The following ARHGAP15 variants were observed in gnomAD, a reference collection of about 807,000 sequenced individuals.
ARHGAP15 encodes Rho GTPase activating protein 15.
In ARHGAP15, 51 loss-of-function variants were observed where a neutral mutation model predicts 63.7. That is an observed-to-expected ratio of 0.80 (90% CI 0.64 to 1.01). ARHGAP15 has a LOEUF of 1.01. Ranked by LOEUF, ARHGAP15 falls within the 50% of genes least tolerant of loss-of-function variation. The pLI is 0.00. For missense variants in ARHGAP15, 560 were observed against 564.6 expected (o/e 0.99, Z 0.08); for synonymous variants, 191 against 193.8 (o/e 0.99, Z 0.12).
At chr2:143,130,930 ACTTT>A (rs1350051162) in intron 1 of ARHGAP15, among the ~76,000 whole-genome samples, 1 of 152,146 alleles carries the variant, frequency 6.6e-6, no homozygotes, top group African/African-American at 2.4e-5. Flanking sequence ...ATATGTTATT[ACTTT>A]CTTTCATTTT....
chr2:143,407,987 G>GTATATATATATATA (rs58194704), intron 6 of ARHGAP15, among the ~76,000 whole-genome samples: 6 of 77,458 alleles, frequency 7.7e-5, no homozygotes, highest in Non-Finnish European at 1.1e-4. Context: ...TTCTGTGTGT[G>GTATATATATATATA]TATATATATA....
At chr2:143,165,984 A>AGG (rs1690494797) in intron 2 of ARHGAP15, among the ~76,000 whole-genome samples, 1 of 137,546 alleles carries the variant, frequency 7.3e-6, no homozygotes, top group African/African-American at 2.8e-5. Flanking sequence ...GAAAGAAAGA[A>AGG]AGAAAGAAAG....
At chr2:143,766,836 A>C (rs1015018797) in intron 13 of ARHGAP15, 2 of 152,150 alleles carry the variant, frequency 1.3e-5, no homozygotes, top group Non-Finnish European at 2.9e-5. Context: ...GTTTCTGGAG[A>C]ATATCCCCCG....
chr2:143,214,031 A>G (rs1027243831), intron 3 of ARHGAP15, among the ~76,000 whole-genome samples: 3 of 152,220 alleles, frequency 2.0e-5, no homozygotes, highest in Non-Finnish European at 4.4e-5. Flanking sequence ...ATTTCTCCCT[A>G]TAAGAGTATT....
chr2:143,165,226 T>G (rs1055410184), intron 2 of ARHGAP15, among the ~76,000 whole-genome samples: 1 of 152,102 alleles, frequency 6.6e-6, no homozygotes, highest in Non-Finnish European at 1.5e-5. Flanking sequence ...ATGACCAAAG[T>G]ACTGATCTCT....
At chr2:143,667,763 G>A (rs1281519313) in intron 12 of ARHGAP15, among the ~76,000 whole-genome samples, 2 of 151,950 alleles carry the variant, frequency 1.3e-5, no homozygotes, top group South Asian at 2.1e-4. Flanking sequence ...GGAAGCCAAG[G>A]TGGATTGCTT....
At chr2:143,159,280 T>C (rs903773305) in intron 2 of ARHGAP15, among the ~76,000 whole-genome samples, 2 of 151,956 alleles carry the variant, frequency 1.3e-5, no homozygotes, top group African/African-American at 4.8e-5. Context: ...CAATTTTCTT[T>C]TGTTTCTTAC....
intron 6 of ARHGAP15, among the ~76,000 whole-genome samples, chr2:143,271,763 A>T (rs1681299181): frequency 6.6e-6 from 1 of 152,228 alleles, no homozygotes; most frequent in Non-Finnish European, 1.5e-5. Flanking sequence ...GGCATGAGCC[A>T]CCGTGCCCGG....
chr2:143,424,017 G>C (rs1199636943), intron 6 of ARHGAP15, among the ~76,000 whole-genome samples: 1 of 152,256 alleles, frequency 6.6e-6, no homozygotes, highest in East Asian at 1.9e-4. Context: ...AATCCATTCA[G>C]TGGCTTTTAA....
chr2:143,254,551 G>A (rs1360773225), intron 6 of ARHGAP15, among the ~76,000 whole-genome samples: 1 of 151,990 alleles, frequency 6.6e-6, no homozygotes, highest in African/African-American at 2.4e-5. Context: ...TTCGTGACAT[G>A]GCTATCAAAT....
chr2:143,750,983 A>G (rs1226327182), intron 13 of ARHGAP15, among the ~76,000 whole-genome samples: 1 of 152,220 alleles, frequency 6.6e-6, no homozygotes, highest in Non-Finnish European at 1.5e-5. Context: ...TCCACATTAG[A>G]TGTCAGGTCT....
At chr2:143,489,284 G>C (rs1266349531) in intron 9 of ARHGAP15, among the ~76,000 whole-genome samples, 1 of 152,152 alleles carries the variant, frequency 6.6e-6, no homozygotes, top group African/African-American at 2.4e-5. Context: ...CGAAGCAATG[G>C]AACCGCTAAA....
At chr2:143,487,610 T>C in intron 9 of ARHGAP15, 115 bp downstream of exon 9, 4 of 1,211,212 alleles carry the variant, frequency 3.3e-6, no homozygotes, top group Non-Finnish European at 4.4e-6. Flanking sequence ...AGGTTGCTTA[T>C]TAAATTTTCT....
chr2:143,203,083 T>C (rs1200965538), intron 3 of ARHGAP15, among the ~76,000 whole-genome samples: 2 of 152,138 alleles, frequency 1.3e-5, no homozygotes, highest in Non-Finnish European at 2.9e-5. Flanking sequence ...TCCAGTCTTA[T>C]TGGCTTACAG....
chr2:143,358,438 A>T (rs1685894711), intron 6 of ARHGAP15, among the ~76,000 whole-genome samples: 1 of 152,070 alleles, frequency 6.6e-6, no homozygotes, highest in South Asian at 2.1e-4. Flanking sequence ...AAAATCACCA[A>T]AACCAATCAT....
At chr2:143,739,618 G>A (rs1685883137) in intron 13 of ARHGAP15, among the ~76,000 whole-genome samples, 1 of 152,118 alleles carries the variant, frequency 6.6e-6, no homozygotes, top group South Asian at 2.1e-4. Context: ...TTTTCTTGAG[G>A]TATTTCTGGT....
chr2:143,400,409 T>C (rs1319738554), intron 6 of ARHGAP15, among the ~76,000 whole-genome samples: 1 of 151,974 alleles, frequency 6.6e-6, no homozygotes, highest in Non-Finnish European at 1.5e-5. Context: ...AAGAGTTATC[T>C]AGTTGTTTGT....
intron 6 of ARHGAP15, among the ~76,000 whole-genome samples, chr2:143,335,222 C>CTA (rs1417789712): frequency 3.9e-5 from 6 of 152,178 alleles, no homozygotes; most frequent in Admixed American, 3.9e-4. Context: ...TGATCTTGAC[C>CTA]TATAGCCAGC....
intron 6 of ARHGAP15, among the ~76,000 whole-genome samples, chr2:143,289,254 A>C (rs1158230694): frequency 6.6e-6 from 1 of 152,198 alleles, no homozygotes; most frequent in Non-Finnish European, 1.5e-5. Flanking sequence ...GACAAACCAA[A>C]TTGGAACAAA....
Sources: allele counts gnomAD v4.1 joint callset (sites outside exome capture counted in the v4.1 genomes callset), GRCh38; gene constraint gnomAD v4.1.1; transcripts MANE v1.5; gene names NCBI Gene and HGNC (gene_info 2026-07-23, HGNC 2026-07-21).